Variants in PEAK1 observed in about 807,000 individuals in gnomAD.
The protein encoded by PEAK1 is pseudopodium enriched atypical kinase 1, also known as inactive tyrosine-protein kinase PEAK1.
PEAK1 carries 54 observed loss-of-function variants against 124.7 expected under a neutral mutation model. The observed-to-expected ratio is 0.43, with a 90% CI of 0.35 to 0.54. PEAK1 has a LOEUF of 0.54. Ranked by LOEUF, PEAK1 falls within the 20% of genes least tolerant of loss-of-function variation. The pLI, the probability that PEAK1 is intolerant of heterozygous loss-of-function variation, is 0.01. For synonymous variants in PEAK1, 719 were observed against 760.0 expected (o/e 0.95, Z 0.89); for missense variants, 2,046 against 2,134.5 (o/e 0.96, Z 0.82).
chr15:77,396,627 C>G lies in PEAK1; in HGVS notation c.-666+23379G>C, dbSNP rs1380095995. The stretch of plus-strand genomic sequence containing the variant: ...GGAAACCAAACAAGAGCAGGGGTAG[C>G]TATACTTATTTGAGACAAAATAGAT... On this transcript the variant is annotated intron_variant, in intron 1 of 9. Coordinates refer to ENST00000682557, the MANE Select transcript of PEAK1 (RefSeq NM_001385026.1). Among the ~76,000 whole-genome samples the G allele has an allele frequency of 2.0e-5, 3 of 152,138 alleles. No individual in the cohort carries two copies. The South Asian group carries it at 6.2e-4, about 32-fold the overall frequency.
chr15:77,303,081 C>T (rs2063876657), intron 2 of PEAK1, among the ~76,000 whole-genome samples: 1 of 152,146 alleles, frequency 6.6e-6, no homozygotes, highest in African/African-American at 2.4e-5. Context: ...TCATCCATGT[C>T]TTTTCATGAT....
intron 2 of PEAK1, among the ~76,000 whole-genome samples, chr15:77,307,332 T>C (rs1334633113): frequency 6.6e-6 from 1 of 152,114 alleles, no homozygotes; most frequent in East Asian, 1.9e-4. Flanking sequence ...CTGAAACTTC[T>C]AAACTTCTAA....
At chr15:77,134,005 T>C (rs2053108476) in intron 8 of PEAK1, among the ~76,000 whole-genome samples, 1 of 152,194 alleles carries the variant, frequency 6.6e-6, no homozygotes, top group Non-Finnish European at 1.5e-5. Flanking sequence ...GTTTGGGTGA[T>C]GAGTTTTGTT....
intron 1 of PEAK1, among the ~76,000 whole-genome samples, chr15:77,407,996 TACAC>T (rs1471613619): frequency 6.7e-6 from 1 of 150,058 alleles, no homozygotes; most frequent in Non-Finnish European, 1.5e-5. Flanking sequence ...TATATACACA[TACAC>T]ACACGTACAC....
intron 2 of PEAK1, chr15:77,353,046 CCT>C (rs2067300455): frequency 2.1e-6 from 2 of 964,956 alleles, no homozygotes; most frequent in Non-Finnish European, 2.5e-6. Flanking sequence ...AACCATGAAC[CCT>C]CTGAGGCCAA....
At chr15:77,243,767 C>T (rs926027837) in intron 6 of PEAK1, among the ~76,000 whole-genome samples, 1 of 152,068 alleles carries the variant, frequency 6.6e-6, no homozygotes, top group Non-Finnish European at 1.5e-5. Flanking sequence ...GTCGGGAGTA[C>T]TAGACCAGCC....
chr15:77,345,980 C>G, intron 2 of PEAK1: 1 of 985,270 alleles, frequency 1.0e-6, no homozygotes, highest in Non-Finnish European at 1.2e-6. Context: ...AAAAAGAATA[C>G]AACTGAATAA....
intron 6 of PEAK1, among the ~76,000 whole-genome samples, chr15:77,225,877 A>G (rs2059621536): frequency 6.8e-6 from 1 of 146,854 alleles, no homozygotes. Flanking sequence ...TGTATTTCAT[A>G]AGAGAATGCA....
intron 2 of PEAK1, among the ~76,000 whole-genome samples, chr15:77,305,608 G>A (rs1472383661): frequency 6.6e-6 from 1 of 152,182 alleles, no homozygotes; most frequent in Non-Finnish European, 1.5e-5. Context: ...CTGGTGGATA[G>A]GGTGGAATAA....
At chr15:77,322,948 C>T (rs1194592225) in intron 2 of PEAK1, among the ~76,000 whole-genome samples, 2 of 152,228 alleles carry the variant, frequency 1.3e-5, no homozygotes, top group Admixed American at 6.5e-5. Flanking sequence ...ATCAAGAGGG[C>T]TTCATCCCTG....
intron 8 of PEAK1, among the ~76,000 whole-genome samples, chr15:77,142,189 AAAG>A (rs1257735289): frequency 1.3e-5 from 2 of 152,230 alleles, no homozygotes; most frequent in African/African-American, 4.8e-5. Flanking sequence ...CTATTTCTTC[AAAG>A]AAGATATATA....
chr15:77,350,097 AC>A, intron 2 of PEAK1: 1 of 985,356 alleles, frequency 1.0e-6, no homozygotes, highest in South Asian at 4.7e-5. Context: ...ATAAGAGCAT[AC>A]CCCCAAATAG....
chr15:77,286,831 T>C (rs1289527735), intron 2 of PEAK1, among the ~76,000 whole-genome samples: 5 of 152,176 alleles, frequency 3.3e-5, no homozygotes, highest in African/African-American at 4.8e-5. Flanking sequence ...CATGAAACAG[T>C]GTAGTTTATT....
At chr15:77,184,807 G>T (rs1428745189) in intron 6 of PEAK1, among the ~76,000 whole-genome samples, 1 of 152,226 alleles carries the variant, frequency 6.6e-6, no homozygotes, top group Admixed American at 6.5e-5. Flanking sequence ...TGAGGCATGA[G>T]AATTGCTTGA....
intron 7 of PEAK1, 59 bp from the exon 8 acceptor site, chr15:77,158,755 T>C: frequency 6.5e-7 from 1 of 1,530,888 alleles, no homozygotes; most frequent in Non-Finnish European, 9.0e-7. Context: ...AAAATTTAGA[T>C]TTATGGAAGG....
rs143751569 is a variant in PEAK1 at position 77,265,344 on chromosome 15, G to A, written c.-274-12818C>T. 4.8e-3 allele frequency among the ~76,000 whole-genome samples: 736 copies of A among 152,180 alleles called. 4 individuals are homozygous for A. Among genetic ancestry groups the A allele is most frequent in the African/African-American group, 0.016 (678 of 41,510 alleles). On this transcript the variant is annotated intron_variant, in intron 5 of 9. Transcript: ENST00000682557. ...ACCCACAAAATGGGAGAAAATTTTC[G>A]CAACCTACTCATCTGACAAAGGGCT...
chr15:77,199,093 C>G (rs975347348), intron 6 of PEAK1, among the ~76,000 whole-genome samples: 1 of 152,152 alleles, frequency 6.6e-6, no homozygotes, highest in Non-Finnish European at 1.5e-5. Flanking sequence ...GGGACTATCC[C>G]TATCTATAAA....
chr15:77,218,586 T>A (rs1416285380), intron 6 of PEAK1, among the ~76,000 whole-genome samples: 2 of 151,782 alleles, frequency 1.3e-5, no homozygotes, highest in Non-Finnish European at 2.9e-5. Context: ...TTTTTTTTTT[T>A]AAAGAGATGG....
chr15:77,350,648 G>C (rs1339850694), intron 2 of PEAK1: 1 of 982,660 alleles, frequency 1.0e-6, no homozygotes, highest in Non-Finnish European at 1.2e-6. Context: ...TTGTGACATA[G>C]CATCACTACA....
Sources: gnomAD v4.1 joint callset for allele counts (sites outside exome capture counted in the v4.1 genomes callset) on GRCh38, gnomAD v4.1.1 for gene constraint, MANE v1.5 for transcripts, NCBI Gene and HGNC (gene_info 2026-07-23, HGNC 2026-07-21) for gene names.